Variants in NEURL1 observed in about 807,000 individuals in gnomAD.
The protein encoded by NEURL1 is E3 ubiquitin-protein ligase NEURL1.
A neutral mutation model predicts 41.2 loss-of-function variants in NEURL1; 26 were observed. That is an observed-to-expected ratio of 0.63 (90% CI 0.46 to 0.87). The LOEUF is 0.87. Ranked by LOEUF, NEURL1 falls within the 40% of genes least tolerant of loss-of-function variation. NEURL1 has a pLI of 0.00. For synonymous variants in NEURL1, 400 were observed against 402.3 expected, an observed-to-expected ratio of 0.99 and a Z score of 0.07; for missense variants, 761 against 871.1, an observed-to-expected ratio of 0.87 and a Z score of 1.59.
At chr10:103,526,093 T>A (rs182707058) in intron 1 of NEURL1, among the ~76,000 whole-genome samples, 1 of 152,352 alleles carries the variant, frequency 6.6e-6, no homozygotes. Flanking sequence ...TTCTGCTTGA[T>A]CATGGTGAAT....
chr10:103,534,630 C>A (rs1485749774), intron 1 of NEURL1, among the ~76,000 whole-genome samples: 1 of 152,118 alleles, frequency 6.6e-6, no homozygotes, highest in Admixed American at 6.5e-5. Flanking sequence ...CTCTTGAGGT[C>A]CTCCTATTCT....
At chr10:103,551,866 A>G (rs1324797070) in intron 1 of NEURL1, among the ~76,000 whole-genome samples, 1 of 152,174 alleles carries the variant, frequency 6.6e-6, no homozygotes, top group African/African-American at 2.4e-5. Flanking sequence ...GCCACCTCCC[A>G]GTTCTCTGTT....
chr10:103,571,758 C>T lies in NEURL1; in HGVS notation c.585C>T (p.Arg195=), dbSNP rs745608696. ...SAVMLFFSGV[R]TADPLWALVD... ...TTATGCTGTTCTTCAGCGGGGTCCG[C>T]ACGGCCGACCCGCTCTGGGCCCTGG... The change falls in exon 3 of 6, where the codon CGC becomes CGT. Residue 195 remains arginine, a synonymous_variant. Coordinates refer to ENST00000369780, the MANE Select transcript of NEURL1 (RefSeq NM_004210.5). 6 of 1,614,036 alleles carry T rather than the reference C, an allele frequency of 3.7e-6. No homozygotes were observed. The South Asian group carries it at 4.4e-5, about 12-fold the overall frequency.
chr10:103,548,985 G>T (rs2133866866), intron 1 of NEURL1: 1 of 152,394 alleles, frequency 6.6e-6, no homozygotes, highest in Non-Finnish European at 1.5e-5. Context: ...TTTGCCTCCA[G>T]CTAGGGACTC....
At chr10:103,529,576 C>T (rs1262906079) in intron 1 of NEURL1, among the ~76,000 whole-genome samples, 1 of 152,206 alleles carries the variant, frequency 6.6e-6, no homozygotes, top group Admixed American at 6.5e-5. Flanking sequence ...CAGTCTCCAA[C>T]TGTGTTCTGT....
In NEURL1 at chr10:103,588,733, G is replaced by T. The variant is rs113649829; in HGVS notation, c.1340-781G>T. 902 of 426,750 alleles carry T rather than the reference G, an allele frequency of 2.1e-3. 1 individual carries two copies. Among genetic ancestry groups the T allele is most frequent in the Non-Finnish European group, 3.1e-3 (668 of 212,612 alleles). 26.4% of individuals were successfully genotyped at this position (426,750 alleles called of 1,614,324 possible). ...AGCCGAGGCTGGCAGATCACGAGGT[G>T]AGGAGATGGAGACCATCTTGGCCAA... On this transcript the variant is annotated intron_variant, in intron 4 of 5. Transcript: ENST00000369780.
At position 103,571,670 on chromosome 10, in the gene NEURL1, A is replaced by T. The variant is rs1161689487; in HGVS notation, c.497A>T (p.Asn166Ile). 6.2e-7 allele frequency: 1 copy of T among 1,614,172 alleles called. No individual in the cohort carries two copies. The highest frequency in any genetic ancestry group is 1.1e-5 in the South Asian group (1 of 91,078). ...CCTGAGGAGTTTGCCAATGAGGGCA[A>T]CATCATCGCATTCTGGGTGGACAAG... ...ALPEEFANEGNIIAFWVDKKG... is the reference protein window; with the variant it reads ...ALPEEFANEGIIIAFWVDKKG... Residue 166 changes from asparagine (N) to isoleucine (I), a missense_variant, in exon 3 of 6, where the codon AAC becomes ATC. Around this residue, in one of 5 missense-constraint regions of NEURL1, gnomAD observed 65 missense variants for 131.6 expected, o/e 0.49. Coordinates refer to ENST00000369780, the MANE Select transcript of NEURL1 (RefSeq NM_004210.5).
chr10:103,542,096 CATTCTTGACCATGTCACTG>C (rs1358169728), intron 1 of NEURL1, among the ~76,000 whole-genome samples: 2 of 152,196 alleles, frequency 1.3e-5, no homozygotes, highest in Non-Finnish European at 2.9e-5. Flanking sequence ...GTCACCTGGC[CATTCTTGACCATGTCACTG>C]AGAAGGGGAA....
At position 103,571,078 on chromosome 10, in the gene NEURL1, C is replaced by T. The variant is rs61871259; in HGVS notation, c.292C>T (p.Arg98Cys). Residue 98 changes from arginine to cysteine, a missense_variant, in exon 2 of 6, where the codon CGC (arginine) becomes TGC (cysteine). By Grantham distance (180) the Arg-to-Cys change is radical. Coordinates refer to ENST00000369780, the MANE Select transcript of NEURL1 (RefSeq NM_004210.5). ...CTGCAACGCCATCACCTTCAGCAACCGCCCGGTCCTCATCTACGAGCAAGT... is the reference window on the plus strand; with the variant it reads ...CTGCAACGCCATCACCTTCAGCAACTGCCCGGTCCTCATCTACGAGCAAGT... The part of the protein sequence containing the change: ...SFCNAITFSN[R>C]PVLIYEQVRL... The T allele has an allele frequency of 4.3e-6, 7 of 1,613,690 alleles. No individual in the cohort carries two copies. The highest frequency in any genetic ancestry group is 1.6e-4 in the Middle Eastern group (1 of 6,082).
rs564196402 is a variant in NEURL1, at chr10:103,499,555, C to T, written c.85+5083C>T. 6.6e-5 allele frequency among the ~76,000 whole-genome samples: 10 copies of T among 152,044 alleles called. No homozygotes were observed. The South Asian group carries it at 1.9e-3, about 28-fold the overall frequency. On this transcript the variant is annotated intron_variant, in intron 1 of 5. Coordinates refer to ENST00000369780, the MANE Select transcript of NEURL1 (RefSeq NM_004210.5). ...TCTTGGCTCATTGAAGCCTCAACCT[C>T]CTGGGCTCAAGTGATCCTCCTGCCT...
intron 1 of NEURL1, among the ~76,000 whole-genome samples, chr10:103,543,638 A>G (rs1049828402): frequency 1.3e-5 from 2 of 152,228 alleles, no homozygotes; most frequent in Non-Finnish European, 2.9e-5. Context: ...CAGTATGGGA[A>G]GGGCCTCCTG....
intron 1 of NEURL1, chr10:103,550,550 T>A (rs2035013191): frequency 6.6e-6 from 1 of 152,312 alleles, no homozygotes; most frequent in Non-Finnish European, 1.5e-5. Context: ...CTGGGTCACC[T>A]GTTAGCGGAT....
chr10:103,568,484 G>A (rs11191730), intron 1 of NEURL1, among the ~76,000 whole-genome samples: 26,524 of 152,146 alleles, frequency 0.17, 2,598 homozygotes, highest in South Asian at 0.26. Context: ...GGCTGGGGAG[G>A]GGGAACCCCA....
chr10:103,528,534 C>CAAAAA (rs199861549), intron 1 of NEURL1, among the ~76,000 whole-genome samples: 1 of 67,772 alleles, frequency 1.5e-5, no homozygotes, highest in African/African-American at 4.7e-5. Context: ...GACTCCGTCT[C>CAAAAA]AAAAAAAAAA....
chr10:103,549,422 G>T (rs1441725708), intron 1 of NEURL1, among the ~76,000 whole-genome samples: 1 of 152,112 alleles, frequency 6.6e-6, no homozygotes, highest in African/African-American at 2.4e-5. Context: ...GAGTACTTTT[G>T]CTCTCCTCTC....
intron 1 of NEURL1, among the ~76,000 whole-genome samples, chr10:103,536,256 A>G (rs532814577): frequency 6.6e-6 from 1 of 152,314 alleles, no homozygotes; most frequent in Non-Finnish European, 1.5e-5. Context: ...TTAAAATAAC[A>G]ATGTTGACCG....
At chr10:103,581,436 A>T (rs900177320) in intron 3 of NEURL1, among the ~76,000 whole-genome samples, 1 of 152,166 alleles carries the variant, frequency 6.6e-6, no homozygotes, top group Non-Finnish European at 1.5e-5. Flanking sequence ...TAAGGGGAGT[A>T]TTAGATACAG....
chr10:103,545,505 A>G lies in NEURL1; in HGVS notation c.86-25367A>G, dbSNP rs563324635. On this transcript the variant is annotated intron_variant, in intron 1 of 5. Coordinates refer to ENST00000369780, the MANE Select transcript of NEURL1 (RefSeq NM_004210.5). This position sits in a 1 kb window ranked among gnomAD's most constrained non-coding sequence, Gnocchi z 4.5. ...GAGCCACTGGCCTTTCCTGAGAGGC[A>G]CTGCATGGACCCCATTACTCACAGG... is the stretch of plus-strand genomic sequence containing the variant. Among the ~76,000 whole-genome samples the G allele has an allele frequency of 6.6e-6, 1 of 152,262 alleles. No individual in the cohort carries two copies. Among genetic ancestry groups the G allele is most frequent in the South Asian group, 2.1e-4 (1 of 4,824 alleles).
Position 103,584,709 on chromosome 10 carries a change from C to A in NEURL1, c.823C>A (p.Gln275Lys). The A allele has an allele frequency of 6.8e-7, 1 of 1,466,016 alleles. No individual in the cohort carries two copies. 90.8% of individuals were successfully genotyped at this position (1,466,016 alleles called of 1,614,324 possible). A position where few individuals can be genotyped will look rare whatever the true frequency, so the allele number is the denominator to read the frequency against. The stretch of plus-strand genomic sequence containing the variant: ...GCCGGCCGCCGGCTGCCCCATCCCG[C>A]AGAACTCACTCAACTCGCAGCACAG... ...AAPAAGCPIPQNSLNSQHSRA... is the reference protein window; with the variant it reads ...AAPAAGCPIPKNSLNSQHSRA... Residue 275 changes from glutamine to lysine, a missense_variant, in exon 4 of 6, where the codon CAG becomes AAG. Transcript: ENST00000369780.
Sources: gnomAD v4.1 joint callset for allele counts (sites outside exome capture counted in the v4.1 genomes callset) on GRCh38, gnomAD v4.1.1 for gene constraint, gnomAD v4.1.1 regional missense constraint, Gnocchi (gnomAD v3.1) non-coding constraint, MANE v1.5 for transcripts, NCBI Gene and HGNC (gene_info 2026-07-23, HGNC 2026-07-21) for gene names.